The following HEATR4 variants were observed in gnomAD, a reference collection of about 807,000 sequenced individuals.
HEATR4 encodes HEAT repeat-containing protein 4.
A neutral mutation model predicts 108.8 loss-of-function variants in HEATR4; 95 were observed. The ratio of observed to expected loss-of-function variants is 0.87; its 90% CI spans 0.74 to 1.04. The LOEUF (loss-of-function observed/expected upper bound fraction) is 1.04, where lower values mean the gene tolerates loss of function less well. Among genes scored for constraint, HEATR4 ranks in the 50% least tolerant of loss-of-function variants. HEATR4 has a pLI of 0.00. For missense variants in HEATR4, 1,152 were observed against 1,253.8 expected (o/e 0.92, Z 1.23); for synonymous variants, 443 against 459.4 (o/e 0.96, Z 0.46).
the HEATR4 span, among the ~76,000 whole-genome samples, chr14:73,617,451 C>CA: frequency 1.3e-5 from 2 of 151,976 alleles, no homozygotes; most frequent in Non-Finnish European, 2.9e-5. Context: ...ACCCCTGTCT[C>CA]AAAAAAAGTT....
At chr14:73,497,257 C>A (rs1886161777) in intron 14 of HEATR4, among the ~76,000 whole-genome samples, 1 of 152,158 alleles carries the variant, frequency 6.6e-6, no homozygotes, top group Non-Finnish European at 1.5e-5. Context: ...CCAGGCTGGT[C>A]TAGAACTCCT....
chr14:73,499,105 A>G lies in HEATR4; in HGVS notation c.2322T>C (p.Asp774=), dbSNP rs996242309. Residue 774 remains aspartate (D), a synonymous_variant, in exon 13 of 18, where the codon GAT becomes GAC. Transcript: ENST00000553558. ...LECLLNLMQR[D]PYWKIKAFAI... is the part of the protein sequence containing the mutation. ...CAAAGGCCTTGATTTTCCAGTAAGGATCTCTCTGCATCAGGTTCAGGAGGC... is the reference window on the plus strand; with the variant it reads ...CAAAGGCCTTGATTTTCCAGTAAGGGTCTCTCTGCATCAGGTTCAGGAGGC... 1.2e-6 allele frequency: 2 copies of G among 1,614,186 alleles called. No individual in the cohort carries two copies. Among genetic ancestry groups the G allele is most frequent in the Non-Finnish European group, 1.7e-6 (2 of 1,180,030 alleles).
chr14:73,491,233 C>G, intron 17 of HEATR4: 1 of 1,590,052 alleles, frequency 6.3e-7, no homozygotes, highest in African/African-American at 1.4e-5. Context: ...AGTCGACGGC[C>G]GACGACCTGG....
the HEATR4 span, chr14:73,582,383 TC>T: frequency 6.6e-6 from 1 of 151,036 alleles, no homozygotes; most frequent in Admixed American, 6.6e-5. Context: ...TTCTTTCAGG[TC>T]CTGCGTAGCA....
At chr14:73,562,399 CTG>C (rs970390910), upstream of HEATR4, among the ~76,000 whole-genome samples, 4 of 152,050 alleles carry the variant, frequency 2.6e-5, no homozygotes, top group African/African-American at 9.7e-5. Flanking sequence ...ATTGTGTTAA[CTG>C]TACAAATTGA....
chr14:73,498,415 G>A (rs1886231722), intron 13 of HEATR4, 71 bp from the exon 14 acceptor site: 1 of 1,386,042 alleles, frequency 7.2e-7, no homozygotes, highest in East Asian at 2.5e-5. Context: ...GAAATAAATT[G>A]AGTTTTGCAA....
the HEATR4 span, among the ~76,000 whole-genome samples, chr14:73,589,997 T>C: frequency 0.029 from 4,476 of 152,258 alleles, 190 homozygotes; most frequent in East Asian, 0.2. Flanking sequence ...ACCTTCGCAA[T>C]GAGTGTTACA....
chr14:73,586,499 G>T, the HEATR4 span, among the ~76,000 whole-genome samples: 2 of 152,052 alleles, frequency 1.3e-5, no homozygotes, highest in African/African-American at 2.4e-5. Context: ...GAGGTCGGGA[G>T]TTGGAGACCA....
At chr14:73,590,790 A>G in the HEATR4 span, among the ~76,000 whole-genome samples, 5 of 151,770 alleles carry the variant, frequency 3.3e-5, no homozygotes, top group African/African-American at 1.2e-4. Flanking sequence ...CCCCGCGGGC[A>G]GCCCCGGTTC....
chr14:73,524,608 A>G (rs1327312221), intron 2 of HEATR4, among the ~76,000 whole-genome samples: 1 of 150,160 alleles, frequency 6.7e-6, no homozygotes, highest in African/African-American at 2.5e-5. Context: ...TCAGAGAGGT[A>G]GGTAAATTGC....
chr14:73,586,006 C>A, the HEATR4 span, among the ~76,000 whole-genome samples: 4 of 114,492 alleles, frequency 3.5e-5, no homozygotes, highest in South Asian at 2.7e-4. Context: ...GAGACTCTGT[C>A]GCAAAAAAAA....
At chr14:73,521,213 G>T (rs1421013629) in intron 3 of HEATR4, among the ~76,000 whole-genome samples, 174 bp from the exon 4 acceptor site, 2 of 152,098 alleles carry the variant, frequency 1.3e-5, no homozygotes, top group Non-Finnish European at 2.9e-5. Context: ...CCAGTTGAAT[G>T]TGGAGCTGCC....
chr14:73,547,677 G>A (rs1312829957), intron 1 of HEATR4, among the ~76,000 whole-genome samples: 1 of 115,154 alleles, frequency 8.7e-6, no homozygotes, highest in Admixed American at 9.8e-5. Context: ...TTGAAGTCAG[G>A]AGTTCGAGAG....
the HEATR4 span, among the ~76,000 whole-genome samples, chr14:73,606,882 C>T: frequency 6.6e-6 from 1 of 152,192 alleles, no homozygotes; most frequent in African/African-American, 2.4e-5. Flanking sequence ...TGATTCTGAG[C>T]TTGCAAAGGC....
intron 1 of HEATR4, among the ~76,000 whole-genome samples, chr14:73,530,878 A>G (rs58594200): frequency 0.011 from 956 of 90,702 alleles, 42 homozygotes; most frequent in South Asian, 0.021. Context: ...GACTCAAACG[A>G]TCCTCCCACC....
At chr14:73,619,843 T>C in the HEATR4 span, 2 of 1,583,116 alleles carry the variant, frequency 1.3e-6, no homozygotes, top group Non-Finnish European at 1.7e-6. Flanking sequence ...AATATAACAT[T>C]GTAGCCACAG....
At chr14:73,564,275 G>C in the HEATR4 span, among the ~76,000 whole-genome samples, 1 of 151,220 alleles carries the variant, frequency 6.6e-6, no homozygotes, top group Non-Finnish European at 1.5e-5. Context: ...TCCAGCCTGG[G>C]TGACAGAGCA....
At chr14:73,572,953 T>C in the HEATR4 span, among the ~76,000 whole-genome samples, 367 of 151,682 alleles carry the variant, frequency 2.4e-3, 16 homozygotes, top group African/African-American at 8.4e-3. Flanking sequence ...GCCTGCATTA[T>C]TACTATTTAA....
At chr14:73,524,379 C>T (rs1888201803) in intron 2 of HEATR4, among the ~76,000 whole-genome samples, 1 of 143,276 alleles carries the variant, frequency 7.0e-6, no homozygotes, top group Non-Finnish European at 1.5e-5. Flanking sequence ...ATGGTTTTGA[C>T]TCTTCATGAA....
Sources: allele counts gnomAD v4.1 joint callset (sites outside exome capture counted in the v4.1 genomes callset), GRCh38; gene constraint gnomAD v4.1.1; transcripts MANE v1.5; gene names NCBI Gene and HGNC (gene_info 2026-07-23, HGNC 2026-07-21).